The following USH2A variants were observed in gnomAD, a reference collection of about 807,000 sequenced individuals.
USH2A encodes the protein usherin, also known as Usher syndrome 2A (autosomal recessive, mild).
In USH2A, 443 loss-of-function variants were observed where a neutral mutation model predicts 538.9. That is an observed-to-expected ratio of 0.82 (90% confidence interval 0.76 to 0.89). The LOEUF (loss-of-function observed/expected upper bound fraction) is 0.89, where lower values mean the gene tolerates loss of function less well. Among genes scored for constraint, USH2A ranks in the 40% least tolerant of loss-of-function variants. The pLI is 0.00. For missense variants in USH2A, 6,633 were observed against 6,324.8 expected (o/e 1.05, Z -1.65); for synonymous variants, 2,413 against 2,273.5 (o/e 1.06, Z -1.75).
At chr1:216,083,387 A>G in intron 26 of USH2A, 69 bp downstream of exon 26, 4 of 1,537,674 alleles carry the variant, frequency 2.6e-6, no homozygotes, top group Non-Finnish European at 3.6e-6. Flanking sequence ...TAATGCCAAC[A>G]CATGGTTTAT....
chr1:216,050,673 C>T (rs768392827), intron 30 of USH2A, among the ~76,000 whole-genome samples: 6 of 142,824 alleles, frequency 4.2e-5, no homozygotes, highest in Non-Finnish European at 7.5e-5. Context: ...GGTGCGATCT[C>T]GGCTCACTGC....
chr1:215,959,654 C>T (rs1317874835), intron 37 of USH2A, among the ~76,000 whole-genome samples: 1 of 152,176 alleles, frequency 6.6e-6, no homozygotes, highest in African/African-American at 2.4e-5. Context: ...CATTTACCCT[C>T]TTTTTTCCCC....
At chr1:216,280,982 A>G (rs1051548930) in intron 11 of USH2A, among the ~76,000 whole-genome samples, 1 of 152,200 alleles carries the variant, frequency 6.6e-6, no homozygotes, top group African/African-American at 2.4e-5. Context: ...GCAGTTTATA[A>G]TTCTGACACT....
At chr1:215,757,524 G>A (rs980063968) in intron 58 of USH2A, among the ~76,000 whole-genome samples, 14 of 152,056 alleles carry the variant, frequency 9.2e-5, no homozygotes, top group East Asian at 1.9e-4. Context: ...TTCTGATGGC[G>A]ACAAAAAGGG....
intron 11 of USH2A, 35 bp downstream of exon 11, chr1:216,289,245 G>A: frequency 6.2e-7 from 1 of 1,613,440 alleles, no homozygotes; most frequent in Non-Finnish European, 8.5e-7. Context: ...GGCAGACAGA[G>A]TAATCCTTTA....
chr1:216,254,508 T>C (rs2036223557), intron 11 of USH2A, among the ~76,000 whole-genome samples: 1 of 152,184 alleles, frequency 6.6e-6, no homozygotes, highest in South Asian at 2.1e-4. Flanking sequence ...CTAGCACATA[T>C]AATGCTTGCA....
rs150396890 is a variant in USH2A at position 215,678,713 on chromosome 1, G to GAC, written c.12294+1434_12294+1435dup. On this transcript the variant is annotated intron_variant, in intron 62 of 71. Transcript: ENST00000307340. The stretch of plus-strand genomic sequence containing the variant: ...ATACTCTGCCACATTTATTCACACA[G>GAC]ACACACACACACACACACACGCACG... 8.1e-3 allele frequency among the ~76,000 whole-genome samples: 1,209 copies of GAC among 149,788 alleles called. 6 individuals carry two copies. Among genetic ancestry groups the GAC allele is most frequent in the Non-Finnish European group, 0.011 (757 of 67,240 alleles).
intron 61 of USH2A, among the ~76,000 whole-genome samples, chr1:215,680,731 G>A (rs1658200855): frequency 6.6e-6 from 1 of 151,916 alleles, no homozygotes; most frequent in Non-Finnish European, 1.5e-5. Context: ...GGAAATCAGT[G>A]GTGCCAAGCT....
chr1:215,785,970 A>C (rs375591111), intron 52 of USH2A, among the ~76,000 whole-genome samples: 2 of 123,492 alleles, frequency 1.6e-5, no homozygotes, highest in Non-Finnish European at 3.6e-5. Context: ...CACACACACA[A>C]ACTTGATTTT....
chr1:215,796,586 T>C (rs564882724), intron 50 of USH2A, among the ~76,000 whole-genome samples: 1 of 152,236 alleles, frequency 6.6e-6, no homozygotes, highest in African/African-American at 2.4e-5. Flanking sequence ...AGCCGTTCCT[T>C]TATCTTTCTC....
intron 61 of USH2A, among the ~76,000 whole-genome samples, chr1:215,711,801 C>T (rs1011108845): frequency 1.3e-5 from 2 of 152,150 alleles, no homozygotes; most frequent in Admixed American, 1.3e-4. Context: ...ATATTGACCA[C>T]ACTCTATTTC....
intron 3 of USH2A, among the ~76,000 whole-genome samples, chr1:216,413,207 C>G (rs1170450147): frequency 6.6e-6 from 1 of 152,032 alleles, no homozygotes; most frequent in Non-Finnish European, 1.5e-5. Flanking sequence ...CACATACACA[C>G]ACACACAGAG....
chr1:215,783,246 A>G (rs1351317414), intron 52 of USH2A, among the ~76,000 whole-genome samples: 1 of 152,122 alleles, frequency 6.6e-6, no homozygotes, highest in African/African-American at 2.4e-5. Context: ...GTGCTTCACA[A>G]ATTCATGTAG....
At chr1:216,407,741 T>A in intron 3 of USH2A, among the ~76,000 whole-genome samples, 1 of 152,154 alleles carries the variant, frequency 6.6e-6, no homozygotes, top group South Asian at 2.1e-4. Context: ...GGCACAAAAA[T>A]GACTATCCAC....
chr1:215,867,557 G>A (rs1664507168), intron 43 of USH2A, among the ~76,000 whole-genome samples: 1 of 152,196 alleles, frequency 6.6e-6, no homozygotes, highest in African/African-American at 2.4e-5. Flanking sequence ...TTGATCCAGA[G>A]AGTTTTATGC....
chr1:216,132,397 A>T (rs1329375665), intron 21 of USH2A, among the ~76,000 whole-genome samples: 1 of 151,980 alleles, frequency 6.6e-6, no homozygotes, highest in Non-Finnish European at 1.5e-5. Context: ...TTATACTGTT[A>T]TCTGTTGAAT....
intron 8 of USH2A, among the ~76,000 whole-genome samples, chr1:216,322,571 C>A (rs2037639049): frequency 7.2e-6 from 1 of 139,402 alleles, no homozygotes; most frequent in Non-Finnish European, 1.5e-5. Context: ...CATGCCATTG[C>A]ATGCCAGCCT....
At chr1:215,885,337 C>T (rs1187396409) in intron 41 of USH2A, among the ~76,000 whole-genome samples, 1 of 151,784 alleles carries the variant, frequency 6.6e-6, no homozygotes, top group East Asian at 1.9e-4. Context: ...TCAATTTGTC[C>T]TTGTATATCA....
intron 13 of USH2A, among the ~76,000 whole-genome samples, chr1:216,234,900 C>T (rs2035776672): frequency 6.6e-6 from 1 of 151,966 alleles, no homozygotes; most frequent in Non-Finnish European, 1.5e-5. Flanking sequence ...GCTAAAGCAC[C>T]TAGGGAGACT....
Sources: allele counts gnomAD v4.1 joint callset (sites outside exome capture counted in the v4.1 genomes callset), GRCh38; gene constraint gnomAD v4.1.1; transcripts MANE v1.5; gene names NCBI Gene and HGNC (gene_info 2026-07-23, HGNC 2026-07-21).